The following PPP2R2A variants were observed in gnomAD, a reference collection of about 807,000 sequenced individuals.
PPP2R2A encodes the protein protein phosphatase 2 regulatory subunit Balpha, also known as serine/threonine-protein phosphatase 2A 55 kDa regulatory subunit B alpha isoform.
In PPP2R2A, 9 loss-of-function variants were observed where a neutral mutation model predicts 53.2. That is an observed-to-expected ratio of 0.17 (90% CI 0.10 to 0.30). The LOEUF (loss-of-function observed/expected upper bound fraction) is 0.30. PPP2R2A is among the 10% of genes least tolerant of loss of function. PPP2R2A has a pLI of 1.00. For synonymous variants in PPP2R2A, 169 were observed against 174.2 expected, an observed-to-expected ratio of 0.97 and a Z score of 0.23; for missense variants, 235 against 534.6, an observed-to-expected ratio of 0.44 and a Z score of 5.53.
At chr8:26,316,935 A>C (rs1254438531) in intron 2 of PPP2R2A, among the ~76,000 whole-genome samples, 2 of 152,256 alleles carry the variant, frequency 1.3e-5, no homozygotes, top group Non-Finnish European at 2.9e-5. Flanking sequence ...GTAGAACATA[A>C]GATTATAGTC....
chr8:26,300,392 G>T (rs1801727793), intron 2 of PPP2R2A, among the ~76,000 whole-genome samples: 2 of 152,158 alleles, frequency 1.3e-5, no homozygotes. Context: ...ATTGTAGGAA[G>T]AAAGGTACGT....
intron 9 of PPP2R2A, among the ~76,000 whole-genome samples, chr8:26,366,866 TTAG>T (rs893433120): frequency 2.0e-5 from 3 of 152,188 alleles, no homozygotes; most frequent in Admixed American, 2.0e-4. Context: ...GGTTAAAATT[TTAG>T]TAGTAGTTAT....
At chr8:26,368,907 C>T (rs1805525447) in intron 9 of PPP2R2A, among the ~76,000 whole-genome samples, 1 of 152,060 alleles carries the variant, frequency 6.6e-6, no homozygotes, top group East Asian at 2.0e-4. Context: ...GAGATTGAGA[C>T]CATCCTGGCT....
At position 26,307,624 on chromosome 8, in the gene PPP2R2A, A is replaced by G. The variant is rs899740264; in HGVS notation, c.82+13884A>G. On this transcript the variant is annotated intron_variant, in intron 2 of 9. Transcript: ENST00000380737. ...AATAAAGCTTTGTTAAATTCTTGCT[A>G]TGCAGAATTCTTTTAATCTTTAAGA... Among the ~76,000 whole-genome samples, 7 of 152,236 alleles carry G rather than the reference A, an allele frequency of 4.6e-5. No homozygotes were observed. In the South Asian group the frequency reaches 1.4e-3, roughly 32 times the overall value.
At chr8:26,293,095 C>A in intron 1 of PPP2R2A, 1 of 655,692 alleles carries the variant, frequency 1.5e-6, no homozygotes, top group Non-Finnish European at 2.4e-6. Flanking sequence ...CTTTGACAGT[C>A]TCTTTAGCAG....
chr8:26,363,629 G>A, intron 7 of PPP2R2A, 92 bp from the exon 8 acceptor site: 1 of 1,145,152 alleles, frequency 8.7e-7, no homozygotes, highest in Non-Finnish European at 1.2e-6. Context: ...CTCACTTGTA[G>A]GGAGTTTGTG....
At chr8:26,355,818 C>T (rs1253758864) in intron 4 of PPP2R2A, among the ~76,000 whole-genome samples, 2 of 150,518 alleles carry the variant, frequency 1.3e-5, no homozygotes, top group South Asian at 2.1e-4. Flanking sequence ...TGCAGTGAGC[C>T]GAGATCGCGC....
At chr8:26,363,696 TTG>T in intron 7 of PPP2R2A, 23 bp from the exon 8 acceptor site, 1 of 1,535,526 alleles carries the variant, frequency 6.5e-7, no homozygotes, top group Non-Finnish European at 8.8e-7. Flanking sequence ...CTTGCCCTTT[TTG>T]TGTTGTTTTG....
chr8:26,333,043 G>T (rs1803465161), intron 2 of PPP2R2A, among the ~76,000 whole-genome samples: 1 of 152,230 alleles, frequency 6.6e-6, no homozygotes, highest in African/African-American at 2.4e-5. Context: ...AAGATTAAGA[G>T]AGAATAAATG....
intron 2 of PPP2R2A, among the ~76,000 whole-genome samples, chr8:26,309,848 C>T (rs1056921648): frequency 6.6e-6 from 1 of 152,030 alleles, no homozygotes; most frequent in South Asian, 2.1e-4. Flanking sequence ...TGCTTCATGG[C>T]ATTCCAAAAC....
At chr8:26,326,789 C>T (rs1803108633) in intron 2 of PPP2R2A, among the ~76,000 whole-genome samples, 1 of 152,160 alleles carries the variant, frequency 6.6e-6, no homozygotes, top group South Asian at 2.1e-4. Flanking sequence ...AGTTGAGGAA[C>T]ATCTAATGAA....
chr8:26,323,134 C>G (rs1325259549), intron 2 of PPP2R2A, among the ~76,000 whole-genome samples: 1 of 152,182 alleles, frequency 6.6e-6, no homozygotes, highest in African/African-American at 2.4e-5. Context: ...TTTATCTATA[C>G]TTATTCACTA....
At chr8:26,331,874 T>C (rs1191597592) in intron 2 of PPP2R2A, among the ~76,000 whole-genome samples, 2 of 152,216 alleles carry the variant, frequency 1.3e-5, no homozygotes, top group African/African-American at 4.8e-5. Context: ...TTCAGTGTTG[T>C]TTATTTGCTA....
intron 2 of PPP2R2A, among the ~76,000 whole-genome samples, chr8:26,320,202 G>A (rs1399819136): frequency 1.3e-5 from 2 of 152,128 alleles, no homozygotes; most frequent in Non-Finnish European, 2.9e-5. Context: ...TGTGGTAGAC[G>A]TTATGTGGGT....
chr8:26,292,017 A>AG (rs1258831367), intron 1 of PPP2R2A, 191 bp downstream of exon 1: 9 of 1,017,306 alleles, frequency 8.8e-6, no homozygotes, highest in Non-Finnish European at 1.1e-5. Context: ...GGTGAGAGTC[A>AG]CTGGGCTTGG....
In PPP2R2A at chr8:26,361,241, C is replaced by T. The variant is rs1805066757; in HGVS notation, c.637+90C>T. The T allele has an allele frequency of 1.9e-5, 25 of 1,326,996 alleles. No homozygotes were observed. The South Asian group carries it at 3.5e-4, about 19-fold the overall frequency. The allele number at this position is 1,326,996 out of a possible 1,614,324, so 82.2% of individuals were successfully genotyped here. ...TCATCTCTCCTAATGAATTTGGTTG[C>T]TTTTTATAGTCTGTGTACATATATG... On this transcript the variant is annotated intron_variant, in intron 6 of 9. Coordinates refer to ENST00000380737, the MANE Select transcript of PPP2R2A (RefSeq NM_002717.4).
chr8:26,294,627 T>C (rs542786065), intron 2 of PPP2R2A, among the ~76,000 whole-genome samples: 2 of 152,342 alleles, frequency 1.3e-5, no homozygotes, highest in South Asian at 4.1e-4. Flanking sequence ...CTTGTGAGTT[T>C]TAAAAATTTG....
At chr8:26,333,299 C>G (rs960456905) in intron 2 of PPP2R2A, among the ~76,000 whole-genome samples, 1 of 152,184 alleles carries the variant, frequency 6.6e-6, no homozygotes, top group Non-Finnish European at 1.5e-5. Flanking sequence ...CCGTAGTTTT[C>G]CAACCTGTGA....
At chr8:26,345,249 TTTAA>T (rs1232513786) in intron 3 of PPP2R2A, among the ~76,000 whole-genome samples, 1 of 152,210 alleles carries the variant, frequency 6.6e-6, no homozygotes. Context: ...GAATTAATTA[TTTAA>T]TTAATAAACT....
Sources: gnomAD v4.1 joint callset for allele counts (sites outside exome capture counted in the v4.1 genomes callset) on GRCh38, gnomAD v4.1.1 for gene constraint, MANE v1.5 for transcripts, NCBI Gene and HGNC (gene_info 2026-07-23, HGNC 2026-07-21) for gene names.